MYH13: variants seen among roughly 807,000 people sequenced by gnomAD.
MYH13 encodes the protein myosin-13.
Under a neutral mutation model 232.1 loss-of-function variants are expected in MYH13, and 177 were observed. That is an observed-to-expected ratio of 0.76 (90% confidence interval 0.67 to 0.86). The LOEUF is 0.86. Ranked by LOEUF, MYH13 falls within the 40% of genes least tolerant of loss-of-function variation. MYH13 has a pLI of 0.00. For synonymous variants in MYH13, 884 were observed against 923.5 expected, an observed-to-expected ratio of 0.96 and a Z score of 0.78; for missense variants, 2,246 against 2,405.9, an observed-to-expected ratio of 0.93 and a Z score of 1.39.
intron 16 of MYH13, among the ~76,000 whole-genome samples, chr17:10,340,893 A>G (rs924807441): frequency 2.6e-5 from 4 of 152,084 alleles, no homozygotes; most frequent in African/African-American, 7.2e-5. Flanking sequence ...TGTGGATAGC[A>G]TTTAACTGGG....
chr17:10,301,698 C>T lies in MYH13; in HGVS notation c.5673G>A (p.Glu1891=), dbSNP rs200055352. The T allele has an allele frequency of 2.3e-4, 367 of 1,613,410 alleles. 1 individual carries two copies. In the East Asian group the frequency reaches 7.0e-3, roughly 31 times the overall value. The change falls in exon 40 of 41, where the codon GAG becomes GAA. Residue 1891 remains glutamate, a synonymous_variant. Transcript: ENST00000252172. ...ATCTGGACAGCTGCGTGTTGGCCTG[C>T]TCCTCCTGCACAGGAGACAGAGGGG... The part of the protein sequence containing the change: ...SYKRQAEEAE[E]QANTQLSRCR...
intron 35 of MYH13, among the ~76,000 whole-genome samples, chr17:10,309,018 A>G (rs1243076592): frequency 1.3e-5 from 2 of 152,250 alleles, no homozygotes; most frequent in Non-Finnish European, 2.9e-5. Flanking sequence ...TAATGTTTGG[A>G]TGAGAGAAAG....
intron 12 of MYH13, among the ~76,000 whole-genome samples, chr17:10,348,523 C>T (rs1276301802): frequency 1.3e-5 from 2 of 152,138 alleles, no homozygotes; most frequent in East Asian, 1.9e-4. Flanking sequence ...GGGTTGGTAT[C>T]GTCATTGATA....
At chr17:10,365,185 T>C (rs959714973) in intron 2 of MYH13, among the ~76,000 whole-genome samples, 6 of 152,360 alleles carry the variant, frequency 3.9e-5, no homozygotes, top group African/African-American at 7.2e-5. Context: ...TAGGAAGCAC[T>C]TTCTAAATCG....
intron 27 of MYH13, among the ~76,000 whole-genome samples, chr17:10,318,268 A>G (rs1034073453): frequency 2.0e-5 from 3 of 152,162 alleles, no homozygotes; most frequent in African/African-American, 7.2e-5. Flanking sequence ...TGCTTGAATC[A>G]AGTGATCTTG....
chr17:10,347,616 T>G (rs1332756975), intron 12 of MYH13, among the ~76,000 whole-genome samples: 1 of 152,028 alleles, frequency 6.6e-6, no homozygotes, highest in Admixed American at 6.6e-5. Flanking sequence ...TATTTTCATA[T>G]ATTTCAGCAG....
chr17:10,368,875 T>A (rs1163533689), intron 2 of MYH13, among the ~76,000 whole-genome samples: 1 of 152,206 alleles, frequency 6.6e-6, no homozygotes, highest in Non-Finnish European at 1.5e-5. Flanking sequence ...TGTTGGAAGA[T>A]GATTTACTTC....
intron 21 of MYH13, among the ~76,000 whole-genome samples, chr17:10,329,482 T>C (rs1042365950): frequency 5.9e-5 from 9 of 152,254 alleles, no homozygotes; most frequent in African/African-American, 2.2e-4. Context: ...CTCTCCTAGC[T>C]GCCAGAGTGA....
At chr17:10,329,998 T>TAA (rs1555550352) in intron 21 of MYH13, among the ~76,000 whole-genome samples, 318 of 132,306 alleles carry the variant, frequency 2.4e-3, no homozygotes, top group African/African-American at 8.0e-3. Context: ...AGACTCTGTC[T>TAA]AAAAAAAAAA....
intron 15 of MYH13, among the ~76,000 whole-genome samples, 191 bp downstream of exon 15, chr17:10,345,011 C>A (rs1416904980): frequency 6.6e-6 from 1 of 152,004 alleles, no homozygotes; most frequent in Non-Finnish European, 1.5e-5. Flanking sequence ...TTTTAATGAC[C>A]CGTAAACCTC....
At chr17:10,357,935 G>A (rs1283243009) in intron 7 of MYH13, 108 bp from the exon 8 acceptor site, 5 of 916,270 alleles carry the variant, frequency 5.5e-6, no homozygotes, top group African/African-American at 3.3e-5. Flanking sequence ...TAGAGATGTC[G>A]ACCAGCTCCA....
chr17:10,343,088 CAAAAA>C (rs71139039), intron 16 of MYH13, among the ~76,000 whole-genome samples: 6 of 125,132 alleles, frequency 4.8e-5, no homozygotes, highest in African/African-American at 1.9e-4. Flanking sequence ...GACTCTGTCT[CAAAAA>C]AAAAAAAAAA....
At position 10,313,603 on chromosome 17, in the gene MYH13, A is replaced by G. The variant is rs1567657389; in HGVS notation, c.3985-249T>C. 2.6e-5 allele frequency among the ~76,000 whole-genome samples: 4 copies of G among 152,212 alleles called. No individual in the cohort carries two copies. In the East Asian group the frequency reaches 7.7e-4, roughly 29 times the overall value. On this transcript the variant is annotated intron_variant, in intron 29 of 40. Transcript: ENST00000252172. Reference sequence around the variant, plus strand: ...GTGGAAAACCATTGACATTTGCCATAAACAGAAGGTAACCATAAGTGCAAT... The same window carrying G: ...GTGGAAAACCATTGACATTTGCCATGAACAGAAGGTAACCATAAGTGCAAT...
intron 35 of MYH13, 57 bp from the exon 36 acceptor site, chr17:10,307,121 T>C: frequency 1.3e-6 from 2 of 1,589,550 alleles, no homozygotes; most frequent in Non-Finnish European, 1.7e-6. Flanking sequence ...TTAAAAAAAT[T>C]GGGAGAGGGT....
chr17:10,355,244 CA>C (rs2142268681), intron 8 of MYH13, 97 bp from the exon 9 acceptor site: 1 of 1,275,208 alleles, frequency 7.8e-7, no homozygotes, highest in South Asian at 1.3e-5. Context: ...ATTATAAATG[CA>C]AAAATGCTAG....
Position 10,368,589 on chromosome 17 carries a change from TTGGTGCGGTGCC to T in MYH13, c.-13+2608_-13+2619del. ...AGAATACAGTAATTACTAATACAGT[TTGGTGCGGTGCC>T]TTGATTTGTAATAAGGTACCAGCCA... On this transcript the variant is annotated intron_variant, in intron 2 of 40. Coordinates refer to ENST00000252172, the MANE Select transcript of MYH13 (RefSeq NM_003802.3). 2.0e-5 allele frequency among the ~76,000 whole-genome samples: 3 copies of T among 152,334 alleles called. No homozygotes were observed. The South Asian group carries it at 6.2e-4, about 32-fold the overall frequency.
chr17:10,326,849 T>C (rs1402016454), intron 22 of MYH13, among the ~76,000 whole-genome samples: 1 of 143,632 alleles, frequency 7.0e-6, no homozygotes, highest in African/African-American at 2.6e-5. Context: ...GGGGTCTCAC[T>C]GTGTTGCCCA....
chr17:10,361,589 C>T (rs2071794165), intron 5 of MYH13, among the ~76,000 whole-genome samples: 1 of 152,124 alleles, frequency 6.6e-6, no homozygotes, highest in East Asian at 1.9e-4. Context: ...CCACCGCACC[C>T]AGCCTTGCTT....
intron 15 of MYH13, 53 bp from the exon 16 acceptor site, chr17:10,344,162 GGT>G: frequency 6.4e-7 from 1 of 1,573,586 alleles, no homozygotes; most frequent in African/African-American, 1.4e-5. Context: ...CATGCTTCAT[GGT>G]CTGGAGAAGC....
Sources: gnomAD v4.1 joint callset for allele counts (sites outside exome capture counted in the v4.1 genomes callset) on GRCh38, gnomAD v4.1.1 for gene constraint, MANE v1.5 for transcripts, NCBI Gene and HGNC (gene_info 2026-07-23, HGNC 2026-07-21) for gene names.